KIF25: variants seen among roughly 807,000 people sequenced by gnomAD.
The protein encoded by KIF25 is kinesin family member 25.
KIF25 carries 19 observed loss-of-function variants against 32.9 expected under a neutral mutation model. The ratio of observed to expected loss-of-function variants is 0.58; its 90% CI spans 0.40 to 0.85. The LOEUF (loss-of-function observed/expected upper bound fraction) is 0.85, where lower values mean the gene tolerates loss of function less well. Among genes scored for constraint, KIF25 ranks in the 40% least tolerant of loss-of-function variants. The probability of loss-of-function intolerance (pLI) is 0.00; values close to 1 mark genes in which losing one functional copy is unlikely to be tolerated. For synonymous variants in KIF25, 225 were observed against 213.7 expected (o/e 1.05, Z -0.46); for missense variants, 485 against 507.0 (o/e 0.96, Z 0.42).
intron 4 of KIF25, among the ~76,000 whole-genome samples, chr6:168,013,966 A>G (rs1437634001): frequency 6.6e-6 from 1 of 151,890 alleles, no homozygotes; most frequent in African/African-American, 2.4e-5. Context: ...GCTCTCTCTC[A>G]TCAGCGTCTT....
Position 167,998,675 on chromosome 6 carries a change from G to A in KIF25, c.-794G>A, listed in dbSNP as rs1277886774. Reference sequence around the variant, plus strand: ...TGTCGAGCCCAGGATGCCATTCAAAGGGATTTTCCTTGGTACTTATTACCA... The same window carrying A: ...TGTCGAGCCCAGGATGCCATTCAAAAGGATTTTCCTTGGTACTTATTACCA... On this transcript the variant is annotated 5_prime_UTR_variant, in exon 1 of 13. Transcript: ENST00000643607. 1.3e-5 allele frequency: 2 copies of A among 152,158 alleles called. No individual in the cohort carries two copies. Among genetic ancestry groups the A allele is most frequent in the Admixed American group, 6.5e-5 (1 of 15,272 alleles). 9.4% of individuals were successfully genotyped at this position (152,158 alleles called of 1,614,324 possible).
chr6:168,022,645 G>A (rs564756899), intron 5 of KIF25, among the ~76,000 whole-genome samples: 61 of 152,132 alleles, frequency 4.0e-4, no homozygotes, highest in African/African-American at 1.3e-3. Context: ...TTCTTGTGGC[G>A]GCTGCTGTAT....
At chr6:168,034,071 AG>A (rs1365127178) in intron 8 of KIF25, 40 bp downstream of exon 8, 7 of 1,606,654 alleles carry the variant, frequency 4.4e-6, no homozygotes, top group Non-Finnish European at 5.1e-6. Context: ...GAAATATGGC[AG>A]GGAAGCCAGG....
At chr6:168,017,204 C>CAGAG (rs146728058) in intron 4 of KIF25, among the ~76,000 whole-genome samples, 1 of 151,818 alleles carries the variant, frequency 6.6e-6, no homozygotes, top group East Asian at 1.9e-4. Context: ...CACACACACA[C>CAGAG]AGACACACAC....
At position 168,042,157 on chromosome 6, in the gene KIF25, C is replaced by A. The variant is rs574381631; in HGVS notation, c.829+6C>A. On this transcript the variant is annotated splice_donor_region_variant and intron_variant, in intron 11 of 12. Coordinates refer to ENST00000643607, the MANE Select transcript of KIF25 (RefSeq NM_030615.4). ...GGCCGGCAGCGAGTGCGTTGGTGAG[C>A]AGGGGCAGGCATTTCCCTGGGGGGT... 7 of 1,546,466 alleles carry A rather than the reference C, an allele frequency of 4.5e-6. No homozygotes were observed. The highest frequency in any genetic ancestry group is 6.1e-6 in the Non-Finnish European group (7 of 1,144,968).
At chr6:168,042,455 C>A in intron 11 of KIF25, 106 bp from the exon 12 acceptor site, 1 of 1,385,846 alleles carries the variant, frequency 7.2e-7, no homozygotes, top group Non-Finnish European at 9.9e-7. Context: ...CCGTCCATGG[C>A]CTCCCCTCTA....
rs1214870166 is a variant in KIF25 at position 168,034,017 on chromosome 6, T to C, written c.303T>C (p.Ala101=). The change falls in exon 8 of 13, where the codon GCT becomes GCC. Residue 101 remains alanine (A), a synonymous_variant. Coordinates refer to ENST00000643607, the MANE Select transcript of KIF25 (RefSeq NM_030615.4). ...QSDLGIIPRV[A]EELFRLILEN... ...ACTTAGGAATTATCCCTAGAGTGGC[T>C]GAGGAGCTCTTCAGGTACTGCCGAT... is the stretch of plus-strand genomic sequence containing the variant. 1.2e-6 allele frequency: 2 copies of C among 1,614,062 alleles called. No homozygotes were observed. Among genetic ancestry groups the C allele is most frequent in the Admixed American group, 1.7e-5 (1 of 60,010 alleles).
At chr6:168,035,288 TC>T (rs370563761) in intron 8 of KIF25, among the ~76,000 whole-genome samples, 5 of 150,820 alleles carry the variant, frequency 3.3e-5, no homozygotes, top group African/African-American at 1.2e-4. Flanking sequence ...CGAGGCCGTT[TC>T]CCCCTCAGCT....
At chr6:168,037,841 G>T (rs909355039) in intron 8 of KIF25, among the ~76,000 whole-genome samples, 7 of 152,000 alleles carry the variant, frequency 4.6e-5, no homozygotes, top group African/African-American at 1.4e-4. Context: ...TCAGCCTCCC[G>T]AGTAGTTGGG....
intron 4 of KIF25, among the ~76,000 whole-genome samples, chr6:168,011,071 T>C (rs1207434807): frequency 6.6e-6 from 1 of 152,132 alleles, no homozygotes; most frequent in Non-Finnish European, 1.5e-5. Context: ...TGTCAGGCAG[T>C]TTACATCTTT....
chr6:168,026,895 G>C (rs916694600), intron 5 of KIF25, among the ~76,000 whole-genome samples: 3 of 152,198 alleles, frequency 2.0e-5, no homozygotes, highest in African/African-American at 7.2e-5. Context: ...TGACACATTT[G>C]TGTGAAATTT....
chr6:168,016,660 T>C (rs73040843), intron 4 of KIF25, among the ~76,000 whole-genome samples: 4,028 of 152,378 alleles, frequency 0.026, 55 homozygotes, highest in African/African-American at 0.031. Flanking sequence ...CTTAACTTTC[T>C]TTCTTTGGCT....
chr6:168,010,167 T>C (rs1430625097), intron 4 of KIF25, among the ~76,000 whole-genome samples: 5 of 152,108 alleles, frequency 3.3e-5, no homozygotes, highest in East Asian at 1.9e-4. Flanking sequence ...TATGAATCTT[T>C]CCAGTTTTTT....
intron 6 of KIF25, 131 bp downstream of exon 6, chr6:168,029,808 T>A: frequency 8.3e-7 from 1 of 1,200,830 alleles, no homozygotes; most frequent in Non-Finnish European, 1.2e-6. Context: ...AAAAAAGATC[T>A]CAGCCCTGAG....
At chr6:168,027,096 T>C (rs1441952638) in intron 5 of KIF25, among the ~76,000 whole-genome samples, 1 of 151,872 alleles carries the variant, frequency 6.6e-6, no homozygotes, top group Non-Finnish European at 1.5e-5. Flanking sequence ...GAGGCAGAGA[T>C]GGGGGAGGCC....
At chr6:168,024,943 C>T (rs912218021) in intron 5 of KIF25, among the ~76,000 whole-genome samples, 29 of 152,232 alleles carry the variant, frequency 1.9e-4, no homozygotes, top group African/African-American at 6.0e-4. Flanking sequence ...CCCAGCTACT[C>T]GGGAGGCTGA....
At chr6:168,029,458 T>C in intron 5 of KIF25, 34 bp from the exon 6 acceptor site, 2 of 1,427,630 alleles carry the variant, frequency 1.4e-6, no homozygotes, top group Non-Finnish European at 1.9e-6. Context: ...GTCGTGGTAA[T>C]ACTGTTACGT....
intron 8 of KIF25, among the ~76,000 whole-genome samples, chr6:168,034,318 G>A (rs1798985502): frequency 6.6e-6 from 1 of 152,174 alleles, no homozygotes; most frequent in South Asian, 2.1e-4. Context: ...GAGTGCAATA[G>A]TGTGATCTCA....
intron 5 of KIF25, among the ~76,000 whole-genome samples, chr6:168,027,454 CAAAAAAAA>C: frequency 1.1e-5 from 1 of 88,970 alleles, no homozygotes. Flanking sequence ...ACTCTGTCTC[CAAAAAAAA>C]AAAAAAAAAA....
Sources: allele counts gnomAD v4.1 joint callset (sites outside exome capture counted in the v4.1 genomes callset), GRCh38; gene constraint gnomAD v4.1.1; transcripts MANE v1.5; gene names NCBI Gene and HGNC (gene_info 2026-07-23, HGNC 2026-07-21).